Variants in CCDC9 observed in about 807,000 individuals in gnomAD.
The protein encoded by CCDC9 is coiled-coil domain containing 9.
A neutral mutation model predicts 65.6 loss-of-function variants in CCDC9; 52 were observed. That is an observed-to-expected ratio of 0.79 (90% CI 0.63 to 1.00). The LOEUF (loss-of-function observed/expected upper bound fraction) is 1.00. Among genes scored for constraint, CCDC9 ranks in the 50% least tolerant of loss-of-function variants. The pLI is 0.00. For synonymous variants in CCDC9, 332 were observed against 280.3 expected (o/e 1.18, Z -1.84); for missense variants, 834 against 757.2 (o/e 1.10, Z -1.19).
At chr19:47,273,847 T>G, downstream of CCDC9, 2 of 379,032 alleles carry the variant, frequency 5.3e-6, no homozygotes, top group Non-Finnish European at 7.4e-6. Flanking sequence ...CCTTGAACTG[T>G]GTTTCTGGAG....
chr19:47,265,220 A>G (rs1002469722), intron 7 of CCDC9, among the ~76,000 whole-genome samples: 4 of 152,126 alleles, frequency 2.6e-5, no homozygotes, highest in African/African-American at 9.6e-5. Flanking sequence ...ACACCTGGCT[A>G]ATTTTTTCGT....
chr19:47,274,882 TG>T (rs1207320122), downstream of CCDC9: 75 of 1,199,784 alleles, frequency 6.3e-5, no homozygotes, highest in African/African-American at 9.6e-4. Context: ...GGGCGGGGCC[TG>T]TGCGGTCTGC....
chr19:47,264,704 C>G lies in CCDC9; in HGVS notation c.546+18C>G. On this transcript the variant is annotated intron_variant, in intron 6 of 11. Coordinates refer to ENST00000221922, the MANE Select transcript of CCDC9 (RefSeq NM_015603.3). Reference sequence around the variant, plus strand: ...ACCAGCGGGTCAGTGGTGCGGGTGTCCCCGAGGCAGGGCCGAGCTGCCTGG... The same window carrying G: ...ACCAGCGGGTCAGTGGTGCGGGTGTGCCCGAGGCAGGGCCGAGCTGCCTGG... The G allele has an allele frequency of 6.2e-7, 1 of 1,602,564 alleles. No homozygotes were observed. The highest frequency in any genetic ancestry group is 8.5e-7 in the Non-Finnish European group (1 of 1,174,864).
At chr19:47,263,774 C>T (rs1239778538) in intron 5 of CCDC9, among the ~76,000 whole-genome samples, 1 of 151,810 alleles carries the variant, frequency 6.6e-6, no homozygotes, top group African/African-American at 2.4e-5. Context: ...CCATGTTGGC[C>T]AGGCTGGTCT....
chr19:47,264,030 C>A (rs1257270551), intron 5 of CCDC9, among the ~76,000 whole-genome samples: 1 of 152,156 alleles, frequency 6.6e-6, no homozygotes, highest in Non-Finnish European at 1.5e-5. Context: ...AGGCGCCCAC[C>A]ACCATGCTTG....
At chr19:47,267,870 C>T (rs893499387) in intron 8 of CCDC9, among the ~76,000 whole-genome samples, 10 of 151,416 alleles carry the variant, frequency 6.6e-5, no homozygotes, top group Admixed American at 3.3e-4. Flanking sequence ...TTTTTTGAGA[C>T]GGAGTCTCGC....
In CCDC9 at chr19:47,266,702, G is replaced by T; in HGVS notation, c.812G>T (p.Arg271Met). 1 of 1,611,392 alleles carries T rather than the reference G, an allele frequency of 6.2e-7. No individual in the cohort carries two copies. Among genetic ancestry groups the T allele is most frequent in the Non-Finnish European group, 8.5e-7 (1 of 1,178,810 alleles). The change falls in exon 8 of 12, where the codon AGG (arginine) becomes ATG (methionine). Residue 271 changes from arginine to methionine, a missense_variant. Coordinates refer to ENST00000221922, the MANE Select transcript of CCDC9 (RefSeq NM_015603.3). ...GAGTACCTGCGCTGGAAGCAGGAGA[G>T]GGAGAAGATCGACCAGGAGCGGCTG... is the stretch of plus-strand genomic sequence containing the variant. Reference protein sequence around the residue: ...RSEYLRWKQEREKIDQERLQR... With the variant: ...RSEYLRWKQEMEKIDQERLQR...
At chr19:47,271,978 GA>G, downstream of CCDC9, 1 of 1,260,038 alleles carries the variant, frequency 7.9e-7, no homozygotes, top group East Asian at 3.0e-5. Flanking sequence ...GTGTGTCCTT[GA>G]ACCCCCTTCA....
At chr19:47,258,898 G>A (rs529065402) in intron 3 of CCDC9, among the ~76,000 whole-genome samples, 3 of 152,334 alleles carry the variant, frequency 2.0e-5, no homozygotes, top group Non-Finnish European at 4.4e-5. Flanking sequence ...TGGGGATATA[G>A]CTGTGACTGA....
intron 5 of CCDC9, among the ~76,000 whole-genome samples, chr19:47,263,331 G>A (rs1201114764): frequency 6.6e-6 from 1 of 152,072 alleles, no homozygotes; most frequent in South Asian, 2.1e-4. Context: ...CAGTGAAAGA[G>A]ATCACAAAGC....
At chr19:47,270,267 C>T (rs540742047) in intron 8 of CCDC9, 140 bp from the exon 9 acceptor site, 25 of 784,464 alleles carry the variant, frequency 3.2e-5, no homozygotes, top group African/African-American at 2.2e-4. Flanking sequence ...CCATGCCCGG[C>T]CCTGTCCTAC....
In CCDC9 at chr19:47,266,686, C is replaced by G. The variant is rs201519530; in HGVS notation, c.796C>G (p.Arg266Gly). 2 of 1,609,064 alleles carry G rather than the reference C, an allele frequency of 1.2e-6. No individual in the cohort carries two copies. The highest frequency in any genetic ancestry group is 1.3e-5 in the African/African-American group (1 of 74,982). Residue 266 changes from arginine to glycine, a missense_variant, in exon 8 of 12, where the codon CGC becomes GGC. Transcript: ENST00000221922. ...GGGCCGGGAGCGGTCGGAGTACCTG[C>G]GCTGGAAGCAGGAGAGGGAGAAGAT... ...MTGRERSEYLRWKQEREKIDQ... is the reference protein window; with the variant it reads ...MTGRERSEYLGWKQEREKIDQ...
chr19:47,260,461 G>C, intron 4 of CCDC9, 39 bp downstream of exon 4: 1 of 1,607,718 alleles, frequency 6.2e-7, no homozygotes, highest in South Asian at 1.1e-5. Flanking sequence ...TGAGGATGGG[G>C]AGGGGCAGAG....
At position 47,271,453 on chromosome 19, in the gene CCDC9, C is replaced by A. The variant is rs1276091521; in HGVS notation, c.1371C>A (p.Pro457=). 6.2e-7 allele frequency: 1 copy of A among 1,613,706 alleles called. No homozygotes were observed. The highest frequency in any genetic ancestry group is 2.2e-5 in the East Asian group (1 of 44,828). ...ACCACCAAGCCCCAGAGGCTGCCCC[C>A]ACCGGGATCCCCTGCAGTGAGCAGG... is the stretch of plus-strand genomic sequence containing the variant. ...AQDHQAPEAA[P]TGIPCSEQAH... Residue 457 remains proline, a synonymous_variant, in exon 12 of 12, where the codon CCC becomes CCA. Coordinates refer to ENST00000221922, the MANE Select transcript of CCDC9 (RefSeq NM_015603.3).
At chr19:47,274,860 G>GGGGCCTGGTGGGGGCGGGGC (rs1426315487), downstream of CCDC9, 4 of 1,124,006 alleles carry the variant, frequency 3.6e-6, no homozygotes, top group African/African-American at 7.6e-5. Context: ...GGGTGGGGGC[G>GGGGCCTGGTGGGGGCGGGGC]GGGCCTGGTG....
chr19:47,273,844 CTG>C (rs771291160), downstream of CCDC9: 3 of 369,010 alleles, frequency 8.1e-6, no homozygotes, highest in Non-Finnish European at 1.2e-5. Flanking sequence ...CACCCTTGAA[CTG>C]TGTTTCTGGA....
chr19:47,265,730 C>T (rs2059077520), intron 7 of CCDC9, among the ~76,000 whole-genome samples: 3 of 151,234 alleles, frequency 2.0e-5, no homozygotes, highest in African/African-American at 7.3e-5. Context: ...CTCCATCGCC[C>T]AGGCTGGAGT....
chr19:47,264,723 T>C (rs1173493279), intron 6 of CCDC9, 37 bp downstream of exon 6: 11 of 1,602,716 alleles, frequency 6.9e-6, no homozygotes, highest in Non-Finnish European at 9.4e-6. Flanking sequence ...AGGGCCGAGC[T>C]GCCTGGGCTG....
At chr19:47,275,622 G>T, downstream of CCDC9, 1 of 498,398 alleles carries the variant, frequency 2.0e-6, no homozygotes, top group Non-Finnish European at 3.6e-6. Flanking sequence ...GCTGAGCACA[G>T]AGCCCACAGC....
Sources: allele counts gnomAD v4.1 joint callset (sites outside exome capture counted in the v4.1 genomes callset), GRCh38; gene constraint gnomAD v4.1.1; transcripts MANE v1.5; gene names NCBI Gene and HGNC (gene_info 2026-07-23, HGNC 2026-07-21).